The following RB1CC1 variants were observed in gnomAD, a reference collection of about 807,000 sequenced individuals.
RB1CC1 encodes the protein RB1 inducible coiled-coil 1, also known as RB1-inducible coiled-coil protein 1.
In RB1CC1, 46 loss-of-function variants were observed where a neutral mutation model predicts 177.5. The observed-to-expected ratio is 0.26, with a 90% CI of 0.20 to 0.33. The LOEUF (loss-of-function observed/expected upper bound fraction) is 0.33. Among genes scored for constraint, RB1CC1 ranks in the 10% least tolerant of loss-of-function variants. RB1CC1 has a pLI of 1.00. For synonymous variants in RB1CC1, 666 were observed against 613.6 expected (o/e 1.09, Z -1.26); for missense variants, 1,703 against 1,816.3 (o/e 0.94, Z 1.13).
intron 23 of RB1CC1, 61 bp from the exon 24 acceptor site, chr8:52,623,920 A>T (rs1335372107): frequency 1.0e-5 from 10 of 969,388 alleles, no homozygotes; most frequent in African/African-American, 5.0e-5. Context: ...TCTCTCTCAC[A>T]CACACACACA....
chr8:52,656,662 G>A lies in RB1CC1; in HGVS notation c.3167C>T (p.Thr1056Met), dbSNP rs752070632. 27 of 1,613,648 alleles carry A rather than the reference G, an allele frequency of 1.7e-5. No individual in the cohort carries two copies. In the South Asian group the frequency reaches 2.1e-4, roughly 12 times the overall value. Residue 1056 changes from threonine to methionine, a missense_variant, in exon 15 of 24, where the codon ACG becomes ATG. Transcript: ENST00000025008. ...AAGTTCAACCTCTAACTTGCATCTC[G>A]TGTCTGACAAATCAGAAACCTTGAG... ...LKLKVSDLSD[T>M]RCKLEVELAL...
intron 18 of RB1CC1, among the ~76,000 whole-genome samples, chr8:52,637,962 C>T (rs368914353): frequency 2.1e-4 from 32 of 152,260 alleles, no homozygotes; most frequent in Middle Eastern, 3.4e-3. Context: ...TGAGCCACTG[C>T]GCCTGGCCAA....
chr8:52,656,232 G>T lies in RB1CC1; in HGVS notation c.3597C>A (p.Thr1199=). The change falls in exon 15 of 24, where the codon ACC becomes ACA. Residue 1199 remains threonine (T), a synonymous_variant. Coordinates refer to ENST00000025008, the MANE Select transcript of RB1CC1 (RefSeq NM_014781.5). ...ALERQKDEKI[T]QQEEKYEAII... is the part of the protein sequence containing the mutation. ...TAGCTTCGTATTTCTCTTCTTGTTG[G>T]GTAATTTTTTCATCTTTTTGTCTTT... The T allele has an allele frequency of 6.2e-7, 1 of 1,612,914 alleles. No individual in the cohort carries two copies. Among genetic ancestry groups the T allele is most frequent in the Non-Finnish European group, 8.5e-7 (1 of 1,179,686 alleles).
chr8:52,646,813 A>G lies in RB1CC1; in HGVS notation c.3822-946T>C, dbSNP rs1318649707. On this transcript the variant is annotated intron_variant, in intron 15 of 23. Transcript: ENST00000025008. ...AATAACTCATTAACTTCTAATTATA[A>G]CTTCTAAGTATTAATCTTATCTACT... Among the ~76,000 whole-genome samples the G allele has an allele frequency of 2.0e-5, 3 of 152,150 alleles. No individual in the cohort carries two copies. The South Asian group carries it at 6.2e-4, about 32-fold the overall frequency.
At chr8:52,698,341 T>A (rs79693496) in intron 1 of RB1CC1, among the ~76,000 whole-genome samples, 3 of 151,988 alleles carry the variant, frequency 2.0e-5, no homozygotes, top group Non-Finnish European at 2.9e-5. Flanking sequence ...TTTTTTTTTT[T>A]ACACGGAGTC....
chr8:52,694,181 T>C (rs1465447096), intron 1 of RB1CC1, among the ~76,000 whole-genome samples: 2 of 152,078 alleles, frequency 1.3e-5, no homozygotes, highest in Non-Finnish European at 2.9e-5. Flanking sequence ...CACCTTCAAA[T>C]AGGGAACTCC....
chr8:52,668,087 G>A lies in RB1CC1; in HGVS notation c.1107C>T (p.Leu369=). The change falls in exon 8 of 24, where the codon CTC becomes CTT. Residue 369 remains leucine, a synonymous_variant. Coordinates refer to ENST00000025008, the MANE Select transcript of RB1CC1 (RefSeq NM_014781.5). ...TAGCAATCATCTGGTCCAGGGCGTAGAGCCGATCTTCAAGTCCTTTAATGG... is the reference window on the plus strand; with the variant it reads ...TAGCAATCATCTGGTCCAGGGCGTAAAGCCGATCTTCAAGTCCTTTAATGG... ...MKAIKGLEDR[L]YALDQMIASC... is the part of the protein sequence containing the mutation. The A allele has an allele frequency of 3.1e-6, 5 of 1,614,154 alleles. No individual in the cohort carries two copies. Among genetic ancestry groups the A allele is most frequent in the South Asian group, 1.1e-5 (1 of 91,078 alleles).
chr8:52,667,736 T>C (rs368951798), intron 8 of RB1CC1, among the ~76,000 whole-genome samples: 11 of 152,302 alleles, frequency 7.2e-5, no homozygotes, highest in East Asian at 3.9e-4. Flanking sequence ...GTAGGAAGCA[T>C]TGAAATTTTT....
Position 52,623,762 on chromosome 8 carries a change from G to C in RB1CC1, c.*20C>G. On this transcript the variant is annotated 3_prime_UTR_variant, in exon 24 of 24. Transcript: ENST00000025008. ...AAATCAGAAAAAAATGTCATAGAAT[G>C]TATTAATTTTGTCCATAAGTTATAC... 6.5e-7 allele frequency: 1 copy of C among 1,530,166 alleles called. No individual in the cohort carries two copies. The highest frequency in any genetic ancestry group is 9.1e-7 in the Non-Finnish European group (1 of 1,104,732). The allele number at this position is 1,530,166 out of a possible 1,614,324, so 94.8% of individuals were successfully genotyped here. A position where few individuals can be genotyped will look rare whatever the true frequency, so the allele number is the denominator to read the frequency against.
Position 52,698,669 on chromosome 8 carries a change from G to GTTTTTTTTTTTTT in RB1CC1, c.-166-11703_-166-11702insAAAAAAAAAAAAA, listed in dbSNP as rs1855693493. 6.1e-4 allele frequency among the ~76,000 whole-genome samples: 14 copies of GTTTTTTTTTTTTT among 22,770 alleles called. 7 individuals are homozygous for GTTTTTTTTTTTTT. The highest frequency in any genetic ancestry group is 1.4e-3 in the African/African-American group (10 of 7,330). 14.9% of individuals were successfully genotyped at this position (22,770 alleles called of 152,430 possible). A position where few individuals can be genotyped will look rare whatever the true frequency, so the allele number is the denominator to read the frequency against. On this transcript the variant is annotated intron_variant, in intron 1 of 23. Coordinates refer to ENST00000025008, the MANE Select transcript of RB1CC1 (RefSeq NM_014781.5). ...AACAAAAACTGTATATGTAATGGTTGGTTTTTTTTTTTTTTTTTTTTTTTT... is the reference window on the plus strand; with the variant it reads ...AACAAAAACTGTATATGTAATGGTTGTTTTTTTTTTTTTGTTTTTTTTTTTTTTTTTTTTTTTT...
At chr8:52,660,733 G>T in intron 11 of RB1CC1, 76 bp from the exon 12 acceptor site, 2 of 1,357,212 alleles carry the variant, frequency 1.5e-6, no homozygotes, top group Non-Finnish European at 2.0e-6. Context: ...TTTTTGAAAA[G>T]GTAAATTAAA....
chr8:52,684,438 A>G (rs1340128151), intron 3 of RB1CC1, among the ~76,000 whole-genome samples: 2 of 152,220 alleles, frequency 1.3e-5, no homozygotes, highest in African/African-American at 4.8e-5. Flanking sequence ...AACAAAGATT[A>G]TTATTTCACA....
At chr8:52,651,357 TTA>T (rs1157443424) in intron 15 of RB1CC1, among the ~76,000 whole-genome samples, 2 of 152,198 alleles carry the variant, frequency 1.3e-5, no homozygotes, top group Non-Finnish European at 2.9e-5. Context: ...AACCATTCAT[TTA>T]TATAGTCTCA....
In RB1CC1 at chr8:52,657,503, G is replaced by A. The variant is rs932368353; in HGVS notation, c.2326C>T (p.Arg776Ter). The change falls in exon 15 of 24, where the codon CGA (arginine) becomes TGA (stop). Residue 776 changes from arginine (R) to a stop codon, truncating the protein, a stop_gained. Transcript: ENST00000025008. LOFTEE classifies it high-confidence loss of function. ...CCACATACATTTGTATCCTGCATTC[G>A]TCTACTGTCTATCGCATTGATAACT... The part of the protein sequence containing the change: ...SSVINAIDSR[R>*]MQDTNVCGKE... 1.9e-6 allele frequency: 3 copies of A among 1,613,766 alleles called. No homozygotes were observed. The highest frequency in any genetic ancestry group is 1.7e-6 in the Non-Finnish European group (2 of 1,179,996).
chr8:52,623,815 T>G lies in RB1CC1; in HGVS notation c.4752A>C (p.Arg1584Ser). 1 of 1,609,212 alleles carries G rather than the reference T, an allele frequency of 6.2e-7. No individual in the cohort carries two copies. Among genetic ancestry groups the G allele is most frequent in the South Asian group, 1.1e-5 (1 of 90,976 alleles). Reference sequence around the variant, plus strand: ...TCTTATTCCATGATACGGCTTTCACTCTGTAAAACTTTGTCCCCAAAGGAA... The same window carrying G: ...TCTTATTCCATGATACGGCTTTCACGCTGTAAAACTTTGTCCCCAAAGGAA... ...FKVPLGTKFY[R>S]VKAVSWNKKV Residue 1584 changes from arginine to serine, a missense_variant, in exon 24 of 24, where the codon AGA (arginine) becomes AGC (serine). Physicochemically the swap from Arg to Ser is moderately radical, Grantham distance 110. This residue lies in a region of RB1CC1 where 70 missense variants were observed against 118.0 expected (regional missense o/e 0.59). Coordinates refer to ENST00000025008, the MANE Select transcript of RB1CC1 (RefSeq NM_014781.5).
At chr8:52,648,961 G>A (rs1404496583) in intron 15 of RB1CC1, among the ~76,000 whole-genome samples, 1 of 152,164 alleles carries the variant, frequency 6.6e-6, no homozygotes, top group Non-Finnish European at 1.5e-5. Context: ...TAACCCAGAT[G>A]GCTAACAAGT....
chr8:52,649,151 T>C (rs1327387509), intron 15 of RB1CC1, among the ~76,000 whole-genome samples: 1 of 152,140 alleles, frequency 6.6e-6, no homozygotes, highest in African/African-American at 2.4e-5. Context: ...GGAATGACTG[T>C]ATTTAATCTA....
At chr8:52,675,818 T>C (rs184661854) in intron 6 of RB1CC1, among the ~76,000 whole-genome samples, 4,192 of 134,908 alleles carry the variant, frequency 0.031, 237 homozygotes, top group African/African-American at 0.11. Context: ...ACCTGGGAGG[T>C]GGAGGTTGCA....
At chr8:52,638,608 T>C (rs1849330823) in intron 18 of RB1CC1, among the ~76,000 whole-genome samples, 1 of 152,160 alleles carries the variant, frequency 6.6e-6, no homozygotes, top group Non-Finnish European at 1.5e-5. Context: ...TTGTTTTCTG[T>C]TGTACTCAAG....
Sources: allele counts gnomAD v4.1 joint callset (sites outside exome capture counted in the v4.1 genomes callset), GRCh38; gene constraint gnomAD v4.1.1; regional missense constraint gnomAD v4.1.1; transcripts MANE v1.5; gene names NCBI Gene and HGNC (gene_info 2026-07-23, HGNC 2026-07-21).